Variants in TRPM7 observed in about 807,000 individuals in gnomAD.
TRPM7 encodes transient receptor potential cation channel subfamily M member 7, also known as LTRPC ion channel family member 7.
A neutral mutation model predicts 229.7 loss-of-function variants in TRPM7; 134 were observed. The ratio of observed to expected loss-of-function variants is 0.58; its 90% CI spans 0.51 to 0.67. The LOEUF (loss-of-function observed/expected upper bound fraction) is 0.67. Among genes scored for constraint, TRPM7 ranks in the 30% least tolerant of loss-of-function variants. TRPM7 has a pLI of 0.00. For synonymous variants in TRPM7, 699 were observed against 715.2 expected (o/e 0.98, Z 0.36); for missense variants, 1,901 against 2,210.0 (o/e 0.86, Z 2.80).
At chr15:50,611,884 C>T (rs28699109) in intron 16 of TRPM7, among the ~76,000 whole-genome samples, 3,106 of 152,288 alleles carry the variant, frequency 0.02, 120 homozygotes, top group African/African-American at 0.072. Flanking sequence ...AATATTCCAA[C>T]ACTGCCCCTC....
intron 23 of TRPM7, among the ~76,000 whole-genome samples, 199 bp from the exon 24 acceptor site, chr15:50,594,812 A>C (rs1325578737): frequency 2.0e-5 from 3 of 152,182 alleles, no homozygotes; most frequent in African/African-American, 7.2e-5. Flanking sequence ...CAGCAGAAAA[A>C]AATAATTTAA....
At chr15:50,562,615 T>C (rs2053367032) in intron 38 of TRPM7, among the ~76,000 whole-genome samples, 1 of 151,650 alleles carries the variant, frequency 6.6e-6, no homozygotes. Context: ...CTACAAAAAA[T>C]ACAAAAATTA....
At position 50,624,224 on chromosome 15, in the gene TRPM7, T is replaced by C; in HGVS notation, c.1382A>G (p.Asn461Ser). Residue 461 changes from asparagine (N) to serine (S), a missense_variant, in exon 12 of 39, where the codon AAT becomes AGT. Transcript: ENST00000646667. Reference protein sequence around the residue: ...RVAFVKLLIENGVSMHKFLTI... With the variant: ...RVAFVKLLIESGVSMHKFLTI... ...AAGGAATTTATGCATGCTTACTCCA[T>C]TTTCAATAAGAAGTTTTACAAATGC... 1.2e-6 allele frequency: 2 copies of C among 1,613,002 alleles called. No individual in the cohort carries two copies. The highest frequency in any genetic ancestry group is 1.7e-6 in the Non-Finnish European group (2 of 1,179,474).
chr15:50,616,395 C>G (rs1041598032), intron 13 of TRPM7, among the ~76,000 whole-genome samples: 8 of 152,158 alleles, frequency 5.3e-5, no homozygotes, highest in African/African-American at 1.9e-4. Context: ...TTCTTAGAAA[C>G]ATGGTCTTAA....
chr15:50,595,428 C>G (rs514449), intron 23 of TRPM7, among the ~76,000 whole-genome samples: 11,381 of 150,920 alleles, frequency 0.075, 555 homozygotes, highest in South Asian at 0.12. Flanking sequence ...TCTAATTGAC[C>G]AATACAACAT....
chr15:50,660,184 T>C (rs1355605165), intron 2 of TRPM7, among the ~76,000 whole-genome samples: 1 of 152,116 alleles, frequency 6.6e-6, no homozygotes, highest in African/African-American at 2.4e-5. Flanking sequence ...GAAATCAGAA[T>C]AAATCATAGA....
At chr15:50,629,583 T>C (rs890352874) in intron 10 of TRPM7, among the ~76,000 whole-genome samples, 2 of 135,096 alleles carry the variant, frequency 1.5e-5, no homozygotes, top group African/African-American at 3.0e-5. Flanking sequence ...CTCTAAGCAT[T>C]TGGATTCCTC....
intron 27 of TRPM7, among the ~76,000 whole-genome samples, chr15:50,587,960 G>A (rs1279342560): frequency 1.3e-5 from 2 of 151,920 alleles, no homozygotes; most frequent in African/African-American, 2.4e-5. Flanking sequence ...TCTCATTCCC[G>A]CTTTTCTTCT....
At chr15:50,620,602 T>C (rs2060366542) in intron 12 of TRPM7, among the ~76,000 whole-genome samples, 3 of 152,340 alleles carry the variant, frequency 2.0e-5, no homozygotes, top group African/African-American at 7.2e-5. Flanking sequence ...ATATGAATCA[T>C]ATTTTACTTT....
intron 2 of TRPM7, 85 bp from the exon 3 acceptor site, chr15:50,657,904 CAAAA>C (rs1232976816): frequency 1.9e-6 from 2 of 1,078,488 alleles, no homozygotes; most frequent in Non-Finnish European, 2.7e-6. Flanking sequence ...AAATACAAAA[CAAAA>C]AAAATTATAT....
chr15:50,651,404 G>C (rs1240863984), intron 3 of TRPM7, among the ~76,000 whole-genome samples: 2 of 152,074 alleles, frequency 1.3e-5, no homozygotes, highest in Non-Finnish European at 2.9e-5. Context: ...CCAGCACTTT[G>C]GGAAGCCGAG....
Position 50,657,839 on chromosome 15 carries a change from A to G in TRPM7, c.84-20T>C. 6.2e-7 allele frequency: 1 copy of G among 1,602,126 alleles called. No individual in the cohort carries two copies. Among genetic ancestry groups the G allele is most frequent in the Non-Finnish European group, 8.5e-7 (1 of 1,172,858 alleles). ...AGGCATCTATTGAACACAAAAAGGT[A>G]AATAAATTATTTCAGGTGAAAAACT... On this transcript the variant is annotated intron_variant, in intron 2 of 38. Coordinates refer to ENST00000646667, the MANE Select transcript of TRPM7 (RefSeq NM_017672.6).
chr15:50,604,217 C>T (rs1279582514), intron 21 of TRPM7: 1 of 152,026 alleles, frequency 6.6e-6, no homozygotes, highest in Non-Finnish European at 1.5e-5. Flanking sequence ...AGGAAAAGAG[C>T]AAAATACTGG....
At chr15:50,638,958 G>C (rs1444192844) in intron 6 of TRPM7, among the ~76,000 whole-genome samples, 3 of 152,156 alleles carry the variant, frequency 2.0e-5, no homozygotes, top group African/African-American at 7.2e-5. Context: ...GGGATTACAG[G>C]TGTGAGCCAC....
chr15:50,686,305 G>T (rs2062359136), intron 1 of TRPM7, among the ~76,000 whole-genome samples: 1 of 152,184 alleles, frequency 6.6e-6, no homozygotes, highest in Non-Finnish European at 1.5e-5. Flanking sequence ...CGGCTCAGGG[G>T]ATTCCCGCGA....
At chr15:50,567,933 G>A (rs2053678652) in intron 38 of TRPM7, among the ~76,000 whole-genome samples, 1 of 151,936 alleles carries the variant, frequency 6.6e-6, no homozygotes, top group Admixed American at 6.6e-5. Flanking sequence ...AAAAAAATTA[G>A]CCGGGCGCGG....
At position 50,616,684 on chromosome 15, in the gene TRPM7, C is replaced by CT. The variant is rs34097559; in HGVS notation, c.1495-2422dup. On this transcript the variant is annotated intron_variant, in intron 13 of 38. Coordinates refer to ENST00000646667, the MANE Select transcript of TRPM7 (RefSeq NM_017672.6). ...ATATAGTAAAGTCAAAAAATGTATG[C>CT]TTTTTTTTTTTTTAGACAAAGGGTC... Among the ~76,000 whole-genome samples, 8 of 149,672 alleles carry CT rather than the reference C, an allele frequency of 5.3e-5. No homozygotes were observed. The South Asian group carries it at 8.4e-4, about 16-fold the overall frequency.
chr15:50,668,379 C>T (rs1224262481), intron 1 of TRPM7, among the ~76,000 whole-genome samples: 2 of 152,184 alleles, frequency 1.3e-5, no homozygotes, highest in Non-Finnish European at 2.9e-5. Context: ...GAGCTATTGA[C>T]AGCTATTAAC....
intron 36 of TRPM7, among the ~76,000 whole-genome samples, chr15:50,570,605 G>A (rs1302370665): frequency 1.3e-5 from 2 of 151,346 alleles, no homozygotes; most frequent in African/African-American, 2.4e-5. Flanking sequence ...CACTTTGGGC[G>A]GCCAAGGCGG....
Sources: gnomAD v4.1 joint callset for allele counts (sites outside exome capture counted in the v4.1 genomes callset) on GRCh38, gnomAD v4.1.1 for gene constraint, MANE v1.5 for transcripts, NCBI Gene and HGNC (gene_info 2026-07-23, HGNC 2026-07-21) for gene names.